Variants in DDX17 observed in about 807,000 individuals in gnomAD.
DDX17 encodes the protein DEAD-box helicase 17.
In DDX17, 10 loss-of-function variants were observed where a neutral mutation model predicts 80.8. That is an observed-to-expected ratio of 0.12 (90% confidence interval 0.08 to 0.21). The LOEUF (loss-of-function observed/expected upper bound fraction) is 0.21. Among genes scored for constraint, DDX17 ranks in the 10% least tolerant of loss-of-function variants. The probability of loss-of-function intolerance (pLI) is 1.00; values close to 1 mark genes in which losing one functional copy is unlikely to be tolerated. For missense variants in DDX17, 586 were observed against 957.4 expected (o/e 0.61, Z 5.12); for synonymous variants, 339 against 336.2 (o/e 1.01, Z -0.09).
chr22:38,499,720 G>C (rs972060944), intron 2 of DDX17, among the ~76,000 whole-genome samples: 8 of 151,940 alleles, frequency 5.3e-5, no homozygotes, highest in African/African-American at 1.9e-4. Flanking sequence ...TTTTCTATAG[G>C]AGAAAAAAGA....
At position 38,486,257 on chromosome 22, in the gene DDX17, T is replaced by C. The variant is rs1349382144; in HGVS notation, c.1868A>G (p.Asn623Ser). ...GCCTGCTTGTGCTCCAAAGGCAGAA[T>C]TTGGACTTCCATAGCCACTGCCATT... The change falls in exon 13 of 13, where the codon AAT becomes AGT. Residue 623 changes from asparagine (N) to serine (S), a missense_variant. Asn to Ser is a conservative substitution (Grantham distance 46). Coordinates refer to ENST00000403230, the MANE Select transcript of DDX17 (RefSeq NM_006386.5). 6.8e-6 allele frequency: 11 copies of C among 1,614,076 alleles called. No individual in the cohort carries two copies. The highest frequency in any genetic ancestry group is 9.3e-6 in the Non-Finnish European group (11 of 1,180,038).
intron 2 of DDX17, among the ~76,000 whole-genome samples, chr22:38,500,226 G>A (rs1489743967): frequency 6.7e-6 from 1 of 148,368 alleles, no homozygotes; most frequent in African/African-American, 2.5e-5. Flanking sequence ...GAAAAAACAT[G>A]ACCTAATATA....
At chr22:38,503,245 C>CTAAA (rs1241054179) in intron 1 of DDX17, among the ~76,000 whole-genome samples, 1 of 152,156 alleles carries the variant, frequency 6.6e-6, no homozygotes, top group Non-Finnish European at 1.5e-5. Context: ...AATGAAGCAG[C>CTAAA]TAAATAAGGT....
At chr22:38,492,641 C>A (rs1323332937) in intron 10 of DDX17, among the ~76,000 whole-genome samples, 1 of 152,150 alleles carries the variant, frequency 6.6e-6, no homozygotes, top group Non-Finnish European at 1.5e-5. Context: ...CATATGCCAC[C>A]ATGCCCGGCT....
At chr22:38,488,174 A>AG (rs1398723638) in intron 11 of DDX17, 59 bp from the exon 12 acceptor site, 2 of 1,610,546 alleles carry the variant, frequency 1.2e-6, no homozygotes, top group Non-Finnish European at 8.5e-7. Flanking sequence ...GAGAAGGTAA[A>AG]GGACATGCCA....
rs752432888 is a variant in DDX17, at chr22:38,493,723, A to G, written c.1374T>C (p.Asp458=). The change falls in exon 10 of 13, where the codon GAT becomes GAC. Residue 458 remains aspartate, a synonymous_variant. Transcript: ENST00000403230. ...TTTTAAACTTACCATTAAGTACCCAATCTCTTTCTGGTTGACTCTTGTCTC... is the reference window on the plus strand; with the variant it reads ...TTTTAAACTTACCATTAAGTACCCAGTCTCTTTCTGGTTGACTCTTGTCTC... The G allele has an allele frequency of 3.2e-5, 52 of 1,612,762 alleles. No individual in the cohort carries two copies. Among genetic ancestry groups the G allele is most frequent in the Non-Finnish European group, 2.8e-5 (33 of 1,178,860 alleles).
At chr22:38,500,735 T>G (rs901068782) in intron 2 of DDX17, among the ~76,000 whole-genome samples, 3 of 142,304 alleles carry the variant, frequency 2.1e-5, no homozygotes. Context: ...TAGAATCGCT[T>G]GAACCCAGGA....
At position 38,489,185 on chromosome 22, in the gene DDX17, G is replaced by C. The variant is rs2089690621; in HGVS notation, c.1448-1070C>G. 8 of 985,458 alleles carry C rather than the reference G, an allele frequency of 8.1e-6. No homozygotes were observed. In the South Asian group the frequency reaches 3.8e-4, roughly 46 times the overall value. The allele number at this position is 985,458 out of a possible 1,614,324, so 61.0% of individuals were successfully genotyped here. ...TATCCTAGATAAAACACAGATTTTT[G>C]TGATATAAATAATTAAAAAACATTC... is the stretch of plus-strand genomic sequence containing the variant. On this transcript the variant is annotated intron_variant, in intron 11 of 12. Transcript: ENST00000403230. This position sits in a 1 kb window ranked among gnomAD's most constrained non-coding sequence, Gnocchi z 4.6.
At position 38,494,922 on chromosome 22, in the gene DDX17, A is replaced by G; in HGVS notation, c.1005T>C (p.Phe335=). Residue 335 remains phenylalanine, a synonymous_variant, in exon 7 of 13, where the codon TTT becomes TTC. Coordinates refer to ENST00000403230, the MANE Select transcript of DDX17 (RefSeq NM_006386.5). ...CAACAATTTTACGGATCTGGGGTTC[A>G]AACCCCATATCAAGCATTCTGTCAG... 1 of 1,614,216 alleles carries G rather than the reference A, an allele frequency of 6.2e-7. No individual in the cohort carries two copies. Among genetic ancestry groups the G allele is most frequent in the Non-Finnish European group, 8.5e-7 (1 of 1,180,040 alleles).
intron 5 of DDX17, among the ~76,000 whole-genome samples, chr22:38,497,526 G>A (rs1163630207): frequency 6.7e-6 from 1 of 148,726 alleles, no homozygotes; most frequent in African/African-American, 2.5e-5. Context: ...GCTGAGGCAG[G>A]AGAATGGCTT....
intron 11 of DDX17, chr22:38,490,343 A>AAG (rs1316411902): frequency 1.6e-6 from 2 of 1,289,270 alleles, no homozygotes; most frequent in Non-Finnish European, 2.0e-6. Flanking sequence ...AGGAGGGACT[A>AAG]AGTCTAGCCA....
intron 10 of DDX17, among the ~76,000 whole-genome samples, chr22:38,492,799 TAAACA>T (rs2089726289): frequency 6.6e-6 from 1 of 152,186 alleles, no homozygotes; most frequent in Non-Finnish European, 1.5e-5. Context: ...TTTTATTTCT[TAAACA>T]AAATATGGCC....
In DDX17 at chr22:38,494,040, G is replaced by T; in HGVS notation, c.1306C>A (p.Arg436=). 2.5e-6 allele frequency: 4 copies of T among 1,613,646 alleles called. No individual in the cohort carries two copies. Among genetic ancestry groups the T allele is most frequent in the Non-Finnish European group, 3.4e-6 (4 of 1,179,684 alleles). Residue 436 remains arginine (R), a synonymous_variant, in exon 9 of 13, where the codon CGA becomes AGA. Transcript: ENST00000403230. ...ACTCACCCATCTCTGCGCATCCTTC[G>T]AGTCAGATCATCACAGCGTCTCTTT...
intron 11 of DDX17, 100 bp from the exon 12 acceptor site, chr22:38,488,215 C>T (rs750641700): frequency 1.9e-6 from 3 of 1,599,976 alleles, no homozygotes; most frequent in South Asian, 1.1e-5. Context: ...ATGCAGATGA[C>T]AGCAAGAGGA....
At chr22:38,494,413 TA>T in intron 8 of DDX17, 1 of 627,044 alleles carries the variant, frequency 1.6e-6, no homozygotes, top group Non-Finnish European at 2.7e-6. Flanking sequence ...ATACAGCTTG[TA>T]ATCAGCAGAG....
intron 8 of DDX17, 85 bp from the exon 9 acceptor site, chr22:38,494,216 C>T (rs1206505776): frequency 4.3e-6 from 4 of 930,068 alleles, no homozygotes; most frequent in Admixed American, 4.2e-5. Flanking sequence ...CCCAAGGCTA[C>T]AGTACTTTCT....
At position 38,486,311 on chromosome 22, in the gene DDX17, C is replaced by T. The variant is rs763729177; in HGVS notation, c.1814G>A (p.Arg605His). The change falls in exon 13 of 13, where the codon CGT (arginine) becomes CAT (histidine). Residue 605 changes from arginine (R) to histidine (H), a missense_variant. Around this residue, in one of 4 missense-constraint regions of DDX17, gnomAD observed 221 missense variants for 261.4 expected, o/e 0.85. Coordinates refer to ENST00000403230, the MANE Select transcript of DDX17 (RefSeq NM_006386.5). ...ATAACCAGCTCTATCGGTTTCACTA[C>T]GATCCCGATAGCTTGCAGAGTCTCT... is the stretch of plus-strand genomic sequence containing the variant. 8 of 1,614,072 alleles carry T rather than the reference C, an allele frequency of 5.0e-6. No individual in the cohort carries two copies. The highest frequency in any genetic ancestry group is 1.3e-5 in the African/African-American group (1 of 74,928).
rs1288634108 is a variant in DDX17, at chr22:38,489,449, G to A, written c.1448-1334C>T. ...CTGTAGCCCCATTTGGTTGCCAAGC[G>A]CCGGAGAACCTGGGTTCGGGTAAAA... is the stretch of plus-strand genomic sequence containing the variant. On this transcript the variant is annotated intron_variant, in intron 11 of 12. Coordinates refer to ENST00000403230, the MANE Select transcript of DDX17 (RefSeq NM_006386.5). This position sits in a 1 kb window ranked among gnomAD's most constrained non-coding sequence, Gnocchi z 4.6. 4 of 985,602 alleles carry A rather than the reference G, an allele frequency of 4.1e-6. No individual in the cohort carries two copies. Among genetic ancestry groups the A allele is most frequent in the Non-Finnish European group, 3.6e-6 (3 of 829,946 alleles). The allele number at this position is 985,602 out of a possible 1,614,324, so 61.1% of individuals were successfully genotyped here.
Position 38,486,037 on chromosome 22 carries a change from C to T in DDX17, c.2088G>A (p.Gln696=). The change falls in exon 13 of 13, where the codon CAG becomes CAA. Residue 696 remains glutamine (Q), a synonymous_variant. Transcript: ENST00000403230. ...TGGTAGCTCCCGGAGGCTGTGCAAA[C>T]TGTTGTGACATCAGTGGCTGTGGCT... is the stretch of plus-strand genomic sequence containing the variant. The T allele has an allele frequency of 6.2e-7, 1 of 1,614,072 alleles. No individual in the cohort carries two copies. Among genetic ancestry groups the T allele is most frequent in the Non-Finnish European group, 8.5e-7 (1 of 1,180,028 alleles).
Sources: allele counts gnomAD v4.1 joint callset (sites outside exome capture counted in the v4.1 genomes callset), GRCh38; gene constraint gnomAD v4.1.1; regional missense constraint gnomAD v4.1.1; non-coding constraint Gnocchi (gnomAD v3.1); transcripts MANE v1.5; gene names NCBI Gene and HGNC (gene_info 2026-07-23, HGNC 2026-07-21).